Variants in ERCC6L2 observed in about 807,000 individuals in gnomAD.
ERCC6L2 encodes ERCC excision repair 6 like 2, also known as DNA excision repair protein ERCC-6-like 2.
A neutral mutation model predicts 132.0 loss-of-function variants in ERCC6L2; 77 were observed. The observed-to-expected ratio is 0.58, with a 90% CI of 0.49 to 0.71. The LOEUF is 0.71. Among genes scored for constraint, ERCC6L2 ranks in the 30% least tolerant of loss-of-function variants. The pLI is 0.00. For synonymous variants in ERCC6L2, 583 were observed against 632.4 expected, an observed-to-expected ratio of 0.92 and a Z score of 1.17; for missense variants, 1,542 against 1,837.6, an observed-to-expected ratio of 0.84 and a Z score of 2.94.
chr9:95,980,690 G>T (rs1037461686), intron 17 of ERCC6L2, among the ~76,000 whole-genome samples: 1 of 152,072 alleles, frequency 6.6e-6, no homozygotes, highest in Non-Finnish European at 1.5e-5. Context: ...TTTTGCAGCT[G>T]GTGTGGCAGT....
intron 19 of ERCC6L2, among the ~76,000 whole-genome samples, chr9:96,027,181 A>C (rs1358237050): frequency 5.3e-5 from 8 of 150,530 alleles, no homozygotes; most frequent in African/African-American, 9.8e-5. Context: ...CACACACACC[A>C]CACACCACAC....
At chr9:95,953,505 G>A (rs1379364652) in intron 12 of ERCC6L2, among the ~76,000 whole-genome samples, 1 of 151,554 alleles carries the variant, frequency 6.6e-6, no homozygotes, top group Non-Finnish European at 1.5e-5. Context: ...GAACCAGGAG[G>A]CGGAGCTTGC....
downstream of ERCC6L2, chr9:96,021,585 C>T (rs1412017257): frequency 6.3e-6 from 1 of 158,128 alleles, no homozygotes. The surrounding 1 kb of genome is among the most constrained non-coding windows in gnomAD (Gnocchi z 4.7). Flanking sequence ...TTGCTCTCAC[C>T]CCCGCGCGAA....
chr9:95,918,073 G>C lies in ERCC6L2; in HGVS notation c.1158+1639G>C, dbSNP rs1057335720. On this transcript the variant is annotated intron_variant, in intron 6 of 18. Transcript: ENST00000653738. ...TCTAGCATCAGGAGGGGGCAGGCTG[G>C]ATGTGTGCTGCCATGCATCCTTCTT... 10 of 225,368 alleles carry C rather than the reference G, an allele frequency of 4.4e-5. No individual in the cohort carries two copies. The East Asian group carries it at 1.3e-3, about 30-fold the overall frequency. 14.0% of individuals were successfully genotyped at this position (225,368 alleles called of 1,614,324 possible).
At chr9:95,995,433 A>G (rs1412212288) in intron 17 of ERCC6L2, among the ~76,000 whole-genome samples, 2 of 152,240 alleles carry the variant, frequency 1.3e-5, no homozygotes, top group South Asian at 2.1e-4. Context: ...GAAGTAAGTT[A>G]TAGAGAATTA....
chr9:95,929,013 T>G (rs1830222617), intron 11 of ERCC6L2, 149 bp downstream of exon 11: 1 of 520,530 alleles, frequency 1.9e-6, no homozygotes, highest in Non-Finnish European at 3.2e-6. Context: ...TTCAATGTCT[T>G]AAGTTTTAGC....
intron 12 of ERCC6L2, among the ~76,000 whole-genome samples, chr9:95,947,363 C>A (rs558081401): frequency 2.0e-5 from 3 of 152,302 alleles, no homozygotes; most frequent in South Asian, 4.1e-4. Context: ...CACTTCAGTT[C>A]TTTGAAGGCA....
At chr9:95,981,204 A>T (rs376026615) in intron 17 of ERCC6L2, among the ~76,000 whole-genome samples, 3 of 152,328 alleles carry the variant, frequency 2.0e-5, no homozygotes, top group African/African-American at 4.8e-5. Context: ...TGTAAAAGGG[A>T]AGTAATAAAC....
intron 13 of ERCC6L2, among the ~76,000 whole-genome samples, chr9:95,963,892 C>T (rs1430821180): frequency 6.6e-6 from 1 of 152,122 alleles, no homozygotes; most frequent in African/African-American, 2.4e-5. Flanking sequence ...AGTCAGAAGG[C>T]ACATGGGGGT....
In ERCC6L2 at chr9:96,032,150, C is replaced by T. The variant is rs74819988; in HGVS notation, c.*1504-6726C>T. On this transcript the variant is annotated intron_variant and NMD_transcript_variant, in intron 19 of 20. Transcript: ENST00000670016. ...GGCCCCGCCACCTCACCTTCCACAC[C>T]GGAACCTTCCACACTCACCCTGAGC... Among the ~76,000 whole-genome samples, 86 of 152,190 alleles carry T rather than the reference C, an allele frequency of 5.7e-4. No individual in the cohort carries two copies. The East Asian group carries it at 0.012, about 21-fold the overall frequency.
Position 95,956,032 on chromosome 9 carries a change from T to C in ERCC6L2, c.1947+19T>C, listed in dbSNP as rs745643020. 1.2e-5 allele frequency: 18 copies of C among 1,467,772 alleles called. No individual in the cohort carries two copies. In the South Asian group the frequency reaches 2.1e-4, roughly 17 times the overall value. The allele number at this position is 1,467,772 out of a possible 1,614,324, so 90.9% of individuals were successfully genotyped here. ...CAAGCAGGTAAATATGTTTCCCTTTTTCTGTTTCAGAGGTCAACATTTATC... is the reference window on the plus strand; with the variant it reads ...CAAGCAGGTAAATATGTTTCCCTTTCTCTGTTTCAGAGGTCAACATTTATC... On this transcript the variant is annotated intron_variant, in intron 13 of 18. Transcript: ENST00000653738.
chr9:96,028,340 C>T (rs1834410061), intron 19 of ERCC6L2, among the ~76,000 whole-genome samples: 1 of 152,160 alleles, frequency 6.6e-6, no homozygotes, highest in African/African-American at 2.4e-5. Context: ...ATGAGAAAAG[C>T]CAAGTTCAGG....
At chr9:96,011,970 CTAATA>C (rs1341342130) in intron 18 of ERCC6L2, among the ~76,000 whole-genome samples, 1 of 152,142 alleles carries the variant, frequency 6.6e-6, no homozygotes, top group African/African-American at 2.4e-5. Context: ...CAGGAAATAC[CTAATA>C]TAATAGCATA....
intron 12 of ERCC6L2, among the ~76,000 whole-genome samples, chr9:95,944,272 T>A (rs1024616070): frequency 6.6e-6 from 1 of 152,114 alleles, no homozygotes; most frequent in Non-Finnish European, 1.5e-5. Context: ...AAGCCAGATA[T>A]GAAAGGACAA....
chr9:95,882,552 T>C (rs917577188), intron 2 of ERCC6L2, among the ~76,000 whole-genome samples: 2 of 152,200 alleles, frequency 1.3e-5, no homozygotes, highest in Admixed American at 1.3e-4. Flanking sequence ...CTTATTTTCT[T>C]CTTCATATTA....
At chr9:95,963,179 G>A (rs904881636) in intron 13 of ERCC6L2, among the ~76,000 whole-genome samples, 2 of 138,254 alleles carry the variant, frequency 1.4e-5, no homozygotes, top group Admixed American at 7.4e-5. Flanking sequence ...GTGTGTGTGT[G>A]TAAATTTTAT....
chr9:95,908,908 A>G (rs1829210867), intron 4 of ERCC6L2, among the ~76,000 whole-genome samples: 1 of 152,228 alleles, frequency 6.6e-6, no homozygotes, highest in African/African-American at 2.4e-5. Flanking sequence ...GATTTAGCAT[A>G]GGATGAAAAT....
chr9:95,981,651 A>G (rs1832898342), intron 17 of ERCC6L2, among the ~76,000 whole-genome samples: 2 of 152,196 alleles, frequency 1.3e-5, no homozygotes, highest in Non-Finnish European at 2.9e-5. Flanking sequence ...GCTCAGGCGA[A>G]AAAGAAGTGT....
intron 19 of ERCC6L2, among the ~76,000 whole-genome samples, chr9:96,026,792 C>CCCACACACA (rs143588411): frequency 0.61 from 81,962 of 133,658 alleles, 25,021 homozygotes; most frequent in African/African-American, 0.77. Flanking sequence ...CCACACACAC[C>CCCACACACA]CCACACACAT....
Sources: gnomAD v4.1 joint callset for allele counts (sites outside exome capture counted in the v4.1 genomes callset) on GRCh38, gnomAD v4.1.1 for gene constraint, Gnocchi (gnomAD v3.1) non-coding constraint, MANE v1.5 for transcripts, NCBI Gene and HGNC (gene_info 2026-07-23, HGNC 2026-07-21) for gene names.